The following TBC1D32 variants were observed in gnomAD, a reference collection of about 807,000 sequenced individuals.
TBC1D32 encodes protein broad-minded.
TBC1D32 carries 151 observed loss-of-function variants against 170.3 expected under a neutral mutation model. The observed-to-expected ratio is 0.89, with a 90% confidence interval of 0.78 to 1.01. The LOEUF (loss-of-function observed/expected upper bound fraction) is 1.01. Among genes scored for constraint, TBC1D32 ranks in the 50% least tolerant of loss-of-function variants. The pLI, the probability that TBC1D32 is intolerant of heterozygous loss-of-function variation, is 0.00. For synonymous variants in TBC1D32, 498 were observed against 488.0 expected (o/e 1.02, Z -0.27); for missense variants, 1,464 against 1,457.1 (o/e 1.00, Z -0.08).
chr6:121,304,440 C>T lies in TBC1D32; in HGVS notation c.874-14G>A. 2 of 1,609,470 alleles carry T rather than the reference C, an allele frequency of 1.2e-6. No individual in the cohort carries two copies. Among genetic ancestry groups the T allele is most frequent in the Non-Finnish European group, 1.7e-6 (2 of 1,178,542 alleles). On this transcript the variant is annotated splice_polypyrimidine_tract_variant and intron_variant, in intron 7 of 31. Transcript: ENST00000398212. ...TAGAAGACGAACCTACAAAGCAGTG[C>T]ACAATAGTTCTCAAAAAATTAGCAT...
intron 22 of TBC1D32, among the ~76,000 whole-genome samples, chr6:121,187,962 C>G (rs1240982122): frequency 6.6e-6 from 1 of 152,106 alleles, no homozygotes; most frequent in Admixed American, 6.6e-5. Flanking sequence ...GGCACCTTGA[C>G]ATATATTCTG....
intron 12 of TBC1D32, among the ~76,000 whole-genome samples, chr6:121,285,938 A>G (rs867237480): frequency 5.9e-4 from 90 of 152,318 alleles, no homozygotes; most frequent in African/African-American, 2.0e-3. Context: ...CTGACTGTTA[A>G]AAGGAAAACT....
intron 24 of TBC1D32, among the ~76,000 whole-genome samples, chr6:121,142,000 A>C (rs1467740287): frequency 6.6e-6 from 1 of 152,250 alleles, no homozygotes; most frequent in African/African-American, 2.4e-5. Context: ...ACTTTTGATC[A>C]TTCATGTGCA....
chr6:121,270,375 T>A (rs1801202197), intron 15 of TBC1D32, among the ~76,000 whole-genome samples: 1 of 151,072 alleles, frequency 6.6e-6, no homozygotes, highest in East Asian at 1.9e-4. Context: ...ATAGCCAGAC[T>A]AAAAGAAAAG....
At chr6:121,117,086 TACA>T (rs2128203037) in intron 26 of TBC1D32, among the ~76,000 whole-genome samples, 1 of 152,292 alleles carries the variant, frequency 6.6e-6, no homozygotes, top group South Asian at 2.1e-4. Context: ...TTATTTGTTA[TACA>T]ATAAAGTTGA....
rs1809760380 is a variant in TBC1D32, at chr6:121,321,792, T to C, written c.158A>G (p.Tyr53Cys). The C allele has an allele frequency of 3.7e-6, 6 of 1,605,170 alleles. No individual in the cohort carries two copies. Among genetic ancestry groups the C allele is most frequent in the South Asian group, 1.1e-5 (1 of 89,022 alleles). Residue 53 changes from tyrosine to cysteine, a missense_variant and splice_region_variant, in exon 2 of 32, where the codon TAT (tyrosine) becomes TGT (cysteine). By Grantham distance (194) the Tyr-to-Cys change is radical. Transcript: ENST00000398212. ...CTGCCTGAGGTATTTCACAAATTCATAGCTGAAACAAATATTTAGAAAATA... is the reference window on the plus strand; with the variant it reads ...CTGCCTGAGGTATTTCACAAATTCACAGCTGAAACAAATATTTAGAAAATA... ...LEETDENFHNYEFVKYLRQHI... is the reference protein window; with the variant it reads ...LEETDENFHNCEFVKYLRQHI...
chr6:121,114,401 T>C (rs1161034408), intron 27 of TBC1D32, among the ~76,000 whole-genome samples: 1 of 152,216 alleles, frequency 6.6e-6, no homozygotes, highest in Non-Finnish European at 1.5e-5. Flanking sequence ...CTGCTTATAT[T>C]ATCTACGAAG....
chr6:121,169,675 T>G (rs536761361), intron 22 of TBC1D32, among the ~76,000 whole-genome samples: 46 of 152,236 alleles, frequency 3.0e-4, no homozygotes, highest in African/African-American at 1.0e-3. Flanking sequence ...ATGAGCAGCT[T>G]CCATACTCAG....
chr6:121,292,513 A>C (rs1431091454), intron 11 of TBC1D32, among the ~76,000 whole-genome samples: 1 of 152,168 alleles, frequency 6.6e-6, no homozygotes, highest in African/African-American at 2.4e-5. Context: ...GGGCAGAAGA[A>C]AGTTAATAGA....
At chr6:121,186,231 T>C (rs1008084492) in intron 22 of TBC1D32, among the ~76,000 whole-genome samples, 8 of 152,086 alleles carry the variant, frequency 5.3e-5, no homozygotes, top group Admixed American at 3.3e-4. Flanking sequence ...GCTAGAGGAA[T>C]TGATCATGAT....
intron 22 of TBC1D32, among the ~76,000 whole-genome samples, chr6:121,176,616 G>A (rs916696421): frequency 6.6e-5 from 10 of 151,458 alleles, no homozygotes; most frequent in African/African-American, 2.2e-4. Context: ...CCCCACCCCC[G>A]AGATGGAGTT....
At chr6:121,312,474 G>A (rs912701989) in intron 3 of TBC1D32, among the ~76,000 whole-genome samples, 1 of 152,022 alleles carries the variant, frequency 6.6e-6, no homozygotes, top group Admixed American at 6.6e-5. Flanking sequence ...ATGTGGCCTC[G>A]AACTCCTGGG....
At chr6:121,197,161 T>C (rs1413839620) in intron 22 of TBC1D32, among the ~76,000 whole-genome samples, 1 of 152,152 alleles carries the variant, frequency 6.6e-6, no homozygotes, top group East Asian at 1.9e-4. Flanking sequence ...AGTCTACTAC[T>C]CCATAATGAA....
chr6:121,151,272 C>T (rs1784177433), intron 24 of TBC1D32, among the ~76,000 whole-genome samples: 1 of 152,274 alleles, frequency 6.6e-6, no homozygotes, highest in Admixed American at 6.5e-5. Flanking sequence ...AGTAGTCATG[C>T]AGGAGCAGGT....
intron 24 of TBC1D32, among the ~76,000 whole-genome samples, chr6:121,156,662 T>G (rs2128239870): frequency 6.6e-6 from 1 of 152,244 alleles, no homozygotes; most frequent in African/African-American, 2.4e-5. Flanking sequence ...GACTATAAAC[T>G]TATCTCTTAG....
At chr6:121,291,840 G>T (rs1804910500) in intron 12 of TBC1D32, among the ~76,000 whole-genome samples, 2 of 150,868 alleles carry the variant, frequency 1.3e-5, no homozygotes, top group Admixed American at 6.7e-5. Context: ...AAGGCTGAAG[G>T]AATAATAATA....
At chr6:121,132,268 A>C (rs1201981829) in intron 24 of TBC1D32, among the ~76,000 whole-genome samples, 1 of 151,976 alleles carries the variant, frequency 6.6e-6, no homozygotes, top group African/African-American at 2.4e-5. Context: ...TTGATTATTT[A>C]AATTAAAGAC....
At chr6:121,189,120 A>G (rs1316881460) in intron 22 of TBC1D32, among the ~76,000 whole-genome samples, 1 of 152,190 alleles carries the variant, frequency 6.6e-6, no homozygotes, top group East Asian at 1.9e-4. Flanking sequence ...ACAAATGCCA[A>G]TTTGACATCC....
intron 24 of TBC1D32, among the ~76,000 whole-genome samples, chr6:121,141,775 G>A (rs1273739): frequency 0.052 from 7,868 of 152,074 alleles, 696 homozygotes; most frequent in African/African-American, 0.18. Context: ...GTAGGAGTTC[G>A]GTCAGGGTGG....
Sources: allele counts gnomAD v4.1 joint callset (sites outside exome capture counted in the v4.1 genomes callset), GRCh38; gene constraint gnomAD v4.1.1; transcripts MANE v1.5; gene names NCBI Gene and HGNC (gene_info 2026-07-23, HGNC 2026-07-21).